Variants in TENT5D observed in about 807,000 individuals in gnomAD.
TENT5D encodes the protein terminal nucleotidyltransferase 5D.
For synonymous variants in TENT5D, 103 were observed against 100.6 expected (o/e 1.02, Z -0.15); for missense variants, 191 against 287.0 (o/e 0.67, Z 2.42).
chrX:80,416,205 T>G (rs1454365543), upstream of TENT5D, among the ~76,000 whole-genome samples: 1 of 109,276 alleles, frequency 9.2e-6, no homozygotes, highest in Non-Finnish European at 1.9e-5. Flanking sequence ...TCTAGGTAGT[T>G]GTCTATCTTA....
At chrX:80,338,906 T>C (rs933188002) in intron 2 of TENT5D, among the ~76,000 whole-genome samples, 4 of 112,202 alleles carry the variant, frequency 3.6e-5, no homozygotes, top group African/African-American at 1.3e-4. Flanking sequence ...TGGAAATAAG[T>C]ACTATAGAAT....
At chrX:80,380,977 A>T (rs947407180) in intron 3 of TENT5D, among the ~76,000 whole-genome samples, 2 of 111,722 alleles carry the variant, frequency 1.8e-5, no homozygotes, top group African/African-American at 3.3e-5. Flanking sequence ...TAATATTGTT[A>T]TATGTGAATT....
intron 1 of TENT5D, among the ~76,000 whole-genome samples, chrX:80,422,171 C>T (rs1426188262): frequency 1.8e-5 from 2 of 111,114 alleles, no homozygotes; most frequent in African/African-American, 6.6e-5. Context: ...TATTTCTCTC[C>T]CTTTAAAAAA....
At chrX:80,388,856 A>G (rs1261158393) in intron 3 of TENT5D, among the ~76,000 whole-genome samples, 1 of 111,215 alleles carries the variant, frequency 9.0e-6, no homozygotes, top group East Asian at 2.8e-4. Context: ...TTTCAAGTTT[A>G]TGCAGGACTC....
chrX:80,435,655 T>A (rs972053284), intron 1 of TENT5D, among the ~76,000 whole-genome samples: 2 of 112,422 alleles, frequency 1.8e-5, no homozygotes, highest in African/African-American at 6.4e-5. Flanking sequence ...GAACAACTGA[T>A]AAACACATTC....
chrX:80,405,022 A>AAAG (rs1931455607), intron 3 of TENT5D, among the ~76,000 whole-genome samples: 1 of 111,873 alleles, frequency 8.9e-6, no homozygotes, highest in African/African-American at 3.3e-5. Context: ...TTAGACCTTT[A>AAAG]AGAAAACATT....
intron 3 of TENT5D, among the ~76,000 whole-genome samples, chrX:80,360,207 A>G (rs1488154249): frequency 4.5e-5 from 5 of 112,229 alleles, no homozygotes; most frequent in Admixed American, 9.5e-5. Flanking sequence ...TACTAACTCA[A>G]TGGCCAGAGA....
chrX:80,385,892 A>G (rs1273533544), intron 3 of TENT5D, among the ~76,000 whole-genome samples: 1 of 112,445 alleles, frequency 8.9e-6, no homozygotes, highest in Non-Finnish European at 1.9e-5. Context: ...CACACCAGTT[A>G]GAATGGTGAT....
At chrX:80,377,034 C>T (rs1930742011) in intron 3 of TENT5D, among the ~76,000 whole-genome samples, 1 of 110,310 alleles carries the variant, frequency 9.1e-6, no homozygotes, top group Non-Finnish European at 1.9e-5. Flanking sequence ...TTATTTTTTT[C>T]ATGTTTAGTC....
At chrX:80,347,898 C>A (rs1006685513) in intron 3 of TENT5D, among the ~76,000 whole-genome samples, 1 of 111,974 alleles carries the variant, frequency 8.9e-6, no homozygotes, top group African/African-American at 3.2e-5. Flanking sequence ...TGTGGCTAGC[C>A]AGTTTTCCCA....
intron 3 of TENT5D, among the ~76,000 whole-genome samples, chrX:80,411,260 A>G (rs1238829085): frequency 1.8e-5 from 2 of 111,668 alleles, no homozygotes; most frequent in South Asian, 3.8e-4. Context: ...AAAAAGAAAG[A>G]AAATTTCAGT....
intron 1 of TENT5D, among the ~76,000 whole-genome samples, chrX:80,428,961 A>T (rs997961160): frequency 1.2e-4 from 13 of 111,705 alleles, no homozygotes; most frequent in Non-Finnish European, 2.1e-4. Flanking sequence ...GGGGAGGAGA[A>T]CAGAAAGACC....
chrX:80,436,800 A>G (rs1283844075), intron 1 of TENT5D, among the ~76,000 whole-genome samples: 1 of 111,633 alleles, frequency 9.0e-6, no homozygotes, highest in South Asian at 3.7e-4. Flanking sequence ...TTATTGATAC[A>G]ATAAGGACTA....
chrX:80,395,076 G>C (rs1569365496), intron 3 of TENT5D, among the ~76,000 whole-genome samples: 1 of 111,333 alleles, frequency 9.0e-6, no homozygotes, highest in Non-Finnish European at 1.9e-5. Flanking sequence ...ATTTCTATGA[G>C]AACAACTTTT....
At chrX:80,377,237 T>C (rs1930747755) in intron 3 of TENT5D, among the ~76,000 whole-genome samples, 1 of 111,832 alleles carries the variant, frequency 8.9e-6, no homozygotes, top group African/African-American at 3.3e-5. Flanking sequence ...TGCAAAACAG[T>C]ACTTTTTGAA....
At chrX:80,411,526 A>G (rs1303347136) in intron 3 of TENT5D, among the ~76,000 whole-genome samples, 2 of 111,821 alleles carry the variant, frequency 1.8e-5, no homozygotes, top group Non-Finnish European at 3.8e-5. Context: ...TCTTGCCAAA[A>G]ATTCCTCTTT....
chrX:80,344,992 A>G lies in TENT5D; in HGVS notation c.-142+2428A>G, dbSNP rs149240376. On this transcript the variant is annotated intron_variant, in intron 3 of 4. Transcript: ENST00000538312. ...ACTTAGAAGATCTAGGTCTTTACCTATAAACATAGAAAGAATAAAGAACAC... is the reference window on the plus strand; with the variant it reads ...ACTTAGAAGATCTAGGTCTTTACCTGTAAACATAGAAAGAATAAAGAACAC... 4.6e-3 allele frequency among the ~76,000 whole-genome samples: 509 copies of G among 111,236 alleles called. 7 individuals are homozygous for G. The highest frequency in any genetic ancestry group is 0.016 in the African/African-American group (482 of 30,665).
At position 80,338,221 on chromosome X, in the gene TENT5D, G is replaced by A. The variant is rs151159667; in HGVS notation, c.-207+2505G>A. Among the ~76,000 whole-genome samples, 289 of 111,386 alleles carry A rather than the reference G, an allele frequency of 2.6e-3. 1 individual carries two copies. Among genetic ancestry groups the A allele is most frequent in the African/African-American group, 8.5e-3 (260 of 30,687 alleles). On this transcript the variant is annotated intron_variant, in intron 2 of 4. Coordinates refer to the TENT5D transcript ENST00000538312. ...GTTGCTACCTTTTTCTCCTTTCACC[G>A]TTAGAACAGGGCTACAATAGTAGAG...
chrX:80,336,908 A>C (rs1929861902), intron 2 of TENT5D, among the ~76,000 whole-genome samples: 1 of 112,288 alleles, frequency 8.9e-6, no homozygotes, highest in African/African-American at 3.2e-5. Flanking sequence ...TAAGTAAAAG[A>C]CGAATCGTAG....
Sources: gnomAD v4.1 joint callset for allele counts (sites outside exome capture counted in the v4.1 genomes callset) on GRCh38, gnomAD v4.1.1 for gene constraint, MANE v1.5 for transcripts, NCBI Gene and HGNC (gene_info 2026-07-23, HGNC 2026-07-21) for gene names.